The following STIMATE variants were observed in gnomAD, a reference collection of about 807,000 sequenced individuals.
STIMATE encodes the protein STIM activating enhancer.
Under a neutral mutation model 36.7 loss-of-function variants are expected in STIMATE, and 15 were observed. That is an observed-to-expected ratio of 0.41 (90% CI 0.27 to 0.63). STIMATE has a LOEUF of 0.63. Among genes scored for constraint, STIMATE ranks in the 20% least tolerant of loss-of-function variants. The pLI is 0.32. For missense variants in STIMATE, 305 were observed against 397.3 expected, an observed-to-expected ratio of 0.77 and a Z score of 1.98; for synonymous variants, 163 against 162.3, an observed-to-expected ratio of 1.00 and a Z score of -0.03.
intron 1 of STIMATE, among the ~76,000 whole-genome samples, chr3:52,859,276 T>A (rs1205680239): frequency 6.6e-6 from 1 of 150,890 alleles, no homozygotes; most frequent in African/African-American, 2.4e-5. Flanking sequence ...TAGAATAATA[T>A]GCCTACCATG....
intron 4 of STIMATE, 123 bp from the exon 5 acceptor site, chr3:52,845,064 G>T: frequency 1.1e-6 from 1 of 882,308 alleles, no homozygotes; most frequent in Non-Finnish European, 1.6e-6. Flanking sequence ...GGTACTTAAT[G>T]AGCCCCCCCA....
intron 1 of STIMATE, 109 bp from the exon 2 acceptor site, chr3:52,855,553 T>C (rs953356425): frequency 2.2e-5 from 32 of 1,461,598 alleles, no homozygotes; most frequent in Non-Finnish European, 2.9e-5. Context: ...ACCAAGGTAA[T>C]ACACACACTC....
At chr3:52,872,379 G>A (rs1396768022) in intron 1 of STIMATE, among the ~76,000 whole-genome samples, 2 of 152,182 alleles carry the variant, frequency 1.3e-5, no homozygotes, top group African/African-American at 4.8e-5. Flanking sequence ...CTGTCCAGGT[G>A]TTTACTGTCA....
chr3:52,871,443 G>A (rs892373637), intron 1 of STIMATE, among the ~76,000 whole-genome samples: 8 of 152,108 alleles, frequency 5.3e-5, no homozygotes, highest in Admixed American at 5.2e-4. Context: ...CTTAGTGGGA[G>A]TTAGCCAGCA....
At position 52,837,085 on chromosome 3, in the gene STIMATE, G is replaced by A. The variant is rs1139106; in HGVS notation, c.*3409C>T. ...TTCACGAAGTAAAACAGAGAGCTCT[G>A]CACTCTTAGCTGCAAGCGTGTGAAA... On this transcript the variant is annotated 3_prime_UTR_variant, in exon 8 of 8. Transcript: ENST00000355083. 0.12 allele frequency: 18,152 copies of A among 155,362 alleles called. 1,216 individuals are homozygous for A. Among genetic ancestry groups the A allele is most frequent in the Non-Finnish European group, 0.15 (10,533 of 70,010 alleles). The allele number at this position is 155,362 out of a possible 1,614,324, so 9.6% of individuals were successfully genotyped here.
rs1700777788 is a variant in STIMATE, at chr3:52,840,516, T to C, written c.863A>G (p.His288Arg). Reference protein sequence around the residue: ...TPLKPVKKKKHRFGLPV With the variant: ...TPLKPVKKKKRRFGLPV Reference sequence around the variant, plus strand: ...GTGTCATACGGGTAGCCCAAAGCGGTGCTTCTTTTTCTTCACAGGCTTGAG... The same window carrying C: ...GTGTCATACGGGTAGCCCAAAGCGGCGCTTCTTTTTCTTCACAGGCTTGAG... Residue 288 changes from histidine to arginine, a missense_variant, in exon 8 of 8, where the codon CAC (histidine) becomes CGC (arginine). By Grantham distance (29) the His-to-Arg change is conservative (BLOSUM62 0). Transcript: ENST00000355083. The C allele has an allele frequency of 6.2e-7, 1 of 1,613,356 alleles. No individual in the cohort carries two copies. The highest frequency in any genetic ancestry group is 1.1e-5 in the South Asian group (1 of 91,046).
rs150658856 is a variant in STIMATE at position 52,849,862 on chromosome 3, G to A, written c.357C>T (p.Tyr119=). ...GGACGCTGACGGCGCGCACCCCCAC[G>A]TAGATGAGCAGCATGCCCACAGTGG... ...LDATVGMLLI[Y]VGVRAVSVLV... Residue 119 remains tyrosine (Y), a synonymous_variant, in exon 4 of 8, where the codon TAC becomes TAT. Transcript: ENST00000355083. The A allele has an allele frequency of 8.1e-6, 13 of 1,613,682 alleles. No individual in the cohort carries two copies. The highest frequency in any genetic ancestry group is 5.5e-5 in the South Asian group (5 of 91,078).
chr3:52,851,774 C>A (rs765874955), intron 3 of STIMATE, among the ~76,000 whole-genome samples: 1 of 152,224 alleles, frequency 6.6e-6, no homozygotes, highest in Non-Finnish European at 1.5e-5. Context: ...GTGTGCCATG[C>A]CTTGGGAATA....
intron 1 of STIMATE, among the ~76,000 whole-genome samples, chr3:52,880,110 C>T (rs755017825): frequency 1.2e-4 from 18 of 152,254 alleles, no homozygotes; most frequent in Non-Finnish European, 1.8e-4. Flanking sequence ...CCAGCTCCCA[C>T]TCAGAAAGGC....
chr3:52,842,720 A>C, intron 7 of STIMATE, 91 bp downstream of exon 7: 1 of 1,580,790 alleles, frequency 6.3e-7, no homozygotes, highest in Non-Finnish European at 8.6e-7. Context: ...CTCTGCACTC[A>C]AGGGAAGAAC....
chr3:52,896,671 G>T (rs1326671259), intron 1 of STIMATE, among the ~76,000 whole-genome samples: 1 of 152,180 alleles, frequency 6.6e-6, no homozygotes, highest in East Asian at 1.9e-4. Flanking sequence ...CGGAAGAAAC[G>T]AGAGGAAGGG....
Position 52,877,822 on chromosome 3 carries a change from G to A in STIMATE, c.160+19469C>T, listed in dbSNP as rs1701526557. 2.6e-5 allele frequency among the ~76,000 whole-genome samples: 4 copies of A among 152,180 alleles called. No individual in the cohort carries two copies. The South Asian group carries it at 8.3e-4, about 31-fold the overall frequency. The stretch of plus-strand genomic sequence containing the variant: ...TAAGATAGGTAATCACTGGCCGGGT[G>A]TGGTGGCTCACGCCTGTAATCCCAG... On this transcript the variant is annotated intron_variant, in intron 1 of 7. Coordinates refer to ENST00000355083, the MANE Select transcript of STIMATE (RefSeq NM_198563.5).
In STIMATE at chr3:52,842,971, G is replaced by A; in HGVS notation, c.619-11C>T. The A allele has an allele frequency of 6.2e-7, 1 of 1,614,154 alleles. No individual in the cohort carries two copies. The highest frequency in any genetic ancestry group is 8.5e-7 in the Non-Finnish European group (1 of 1,180,002). ...CCAAAACATCAAAGCCTGTGGGAAG[G>A]AAAAGTGCAGGTTACTTTGGGATAA... On this transcript the variant is annotated splice_polypyrimidine_tract_variant and intron_variant, in intron 6 of 7. Coordinates refer to ENST00000355083, the MANE Select transcript of STIMATE (RefSeq NM_198563.5).
chr3:52,859,176 T>TAAATAAAATA (rs71087028), intron 1 of STIMATE, among the ~76,000 whole-genome samples: 1 of 141,806 alleles, frequency 7.1e-6, no homozygotes, highest in African/African-American at 2.6e-5. Flanking sequence ...AAAAATAAAA[T>TAAATAAAATA]AAATAAAATA....
At chr3:52,857,667 A>G (rs1385147350) in intron 1 of STIMATE, among the ~76,000 whole-genome samples, 3 of 151,922 alleles carry the variant, frequency 2.0e-5, no homozygotes, top group Non-Finnish European at 4.4e-5. Flanking sequence ...TATACATTAT[A>G]ATTATGTATA....
At chr3:52,852,726 T>A in intron 2 of STIMATE, 28 bp from the exon 3 acceptor site, 1 of 1,611,504 alleles carries the variant, frequency 6.2e-7, no homozygotes, top group Non-Finnish European at 8.5e-7. Flanking sequence ...GCACTGGTTA[T>A]TAGCCTGACA....
chr3:52,884,613 C>G (rs577853693), intron 1 of STIMATE, among the ~76,000 whole-genome samples: 1 of 152,190 alleles, frequency 6.6e-6, no homozygotes, highest in Non-Finnish European at 1.5e-5. Flanking sequence ...CTTTCTGTCA[C>G]TATAGATTAG....
At chr3:52,893,372 A>G (rs1258102065) in intron 1 of STIMATE, among the ~76,000 whole-genome samples, 2 of 145,240 alleles carry the variant, frequency 1.4e-5, no homozygotes, top group Non-Finnish European at 3.1e-5. Flanking sequence ...TGGCTCAGCC[A>G]AAAAAAAAAA....
At chr3:52,857,129 C>T (rs1048360192) in intron 1 of STIMATE, among the ~76,000 whole-genome samples, 1 of 152,192 alleles carries the variant, frequency 6.6e-6, no homozygotes, top group Non-Finnish European at 1.5e-5. Flanking sequence ...AGACAGTAAA[C>T]CCTACTCTCT....
Sources: gnomAD v4.1 joint callset for allele counts (sites outside exome capture counted in the v4.1 genomes callset) on GRCh38, gnomAD v4.1.1 for gene constraint, MANE v1.5 for transcripts, NCBI Gene and HGNC (gene_info 2026-07-23, HGNC 2026-07-21) for gene names.